Variants in MYT1L observed in about 807,000 individuals in gnomAD.
The protein encoded by MYT1L is myelin transcription factor 1 like.
A neutral mutation model predicts 126.7 loss-of-function variants in MYT1L; 12 were observed. That is an observed-to-expected ratio of 0.09 (90% CI 0.06 to 0.15). The LOEUF is 0.15. Among genes scored for constraint, MYT1L ranks in the 10% least tolerant of loss-of-function variants. The pLI, the probability that MYT1L is intolerant of heterozygous loss-of-function variation, is 1.00. For synonymous variants in MYT1L, 541 were observed against 604.2 expected, an observed-to-expected ratio of 0.90 and a Z score of 1.53; for missense variants, 979 against 1,585.2, an observed-to-expected ratio of 0.62 and a Z score of 6.49.
chr2:2,103,678 G>C (rs1317446774), intron 3 of MYT1L, among the ~76,000 whole-genome samples: 1 of 152,196 alleles, frequency 6.6e-6, no homozygotes, highest in Non-Finnish European at 1.5e-5. Flanking sequence ...ATTACATGAG[G>C]GGCCTCTGCC....
rs566639100 is a variant in MYT1L at position 2,281,452 on chromosome 2, C to T, written c.-421+2952G>A. Among the ~76,000 whole-genome samples, 13 of 152,188 alleles carry T rather than the reference C, an allele frequency of 8.5e-5. No homozygotes were observed. In the South Asian group the frequency reaches 2.5e-3, roughly 29 times the overall value. On this transcript the variant is annotated intron_variant, in intron 2 of 24. Coordinates refer to ENST00000647738, the MANE Select transcript of MYT1L (RefSeq NM_001303052.2). ...TAATATAATTGTTGTGTAATATGTA[C>T]AGAAGTGGGAAGAGTAAATGCTTGT...
In MYT1L at chr2:1,881,355, C is replaced by CGTGTGTGTGTGTGT. The variant is rs59171974; in HGVS notation, c.2711+5170_2711+5183dup. Among the ~76,000 whole-genome samples, 190 of 139,222 alleles carry CGTGTGTGTGTGTGT rather than the reference C, an allele frequency of 1.4e-3. 1 individual carries two copies. The highest frequency in any genetic ancestry group is 3.8e-3 in the African/African-American group (144 of 37,988). The allele number at this position is 139,222 out of a possible 152,430, so 91.3% of individuals were successfully genotyped here. On this transcript the variant is annotated intron_variant, in intron 18 of 24. Transcript: ENST00000647738. The stretch of plus-strand genomic sequence containing the variant: ...GTGGTTTATTGTTGGTTTGCAGGTT[C>CGTGTGTGTGTGTGT]GTGTGTGTGTGTGTGTGTGTGTGTG...
Position 2,150,909 on chromosome 2 carries a change from G to GAC in MYT1L, c.-304+21962_-304+21963insGT, listed in dbSNP as rs1269108864. Among the ~76,000 whole-genome samples the GAC allele has an allele frequency of 4.1e-4, 54 of 132,650 alleles. 1 individual carries two copies. The East Asian group carries it at 0.012, about 31-fold the overall frequency. 87.0% of individuals were successfully genotyped at this position (132,650 alleles called of 152,430 possible). A position where few individuals can be genotyped will look rare whatever the true frequency, so the allele number is the denominator to read the frequency against. ...AGGAAGGAAGGGAAGGAGGGAGGGA[G>GAC]GGAGACGGAGGGAGGGAGGGAGATG... On this transcript the variant is annotated intron_variant, in intron 3 of 24. Coordinates refer to ENST00000647738, the MANE Select transcript of MYT1L (RefSeq NM_001303052.2).
rs1039073744 is a variant in MYT1L at position 1,791,333 on chromosome 2, G to A, written c.*534C>T. On this transcript the variant is annotated 3_prime_UTR_variant, in exon 25 of 25. Transcript: ENST00000647738. The surrounding 1 kb of genome is among the most constrained non-coding windows in gnomAD (Gnocchi z 6.0). The stretch of plus-strand genomic sequence containing the variant: ...TTCAAAAATAAAGCATTTTTGCAAC[G>A]AATTCTTGCTATGAAACAATATGCA... 75 of 448,974 alleles carry A rather than the reference G, an allele frequency of 1.7e-4. No homozygotes were observed. The Admixed American group carries it at 1.9e-3, about 11-fold the overall frequency. The allele number at this position is 448,974 out of a possible 1,614,324, so 27.8% of individuals were successfully genotyped here.
At chr2:2,000,080 C>T (rs1177631493) in intron 4 of MYT1L, among the ~76,000 whole-genome samples, 1 of 152,214 alleles carries the variant, frequency 6.6e-6, no homozygotes, top group Non-Finnish European at 1.5e-5. Context: ...TTATTCTAAT[C>T]AGAAGGTGGC....
intron 3 of MYT1L, among the ~76,000 whole-genome samples, chr2:2,141,317 A>T (rs2083941047): frequency 6.6e-6 from 1 of 152,150 alleles, no homozygotes; most frequent in South Asian, 2.1e-4. Flanking sequence ...TATGTCAATA[A>T]ATTTAAATTT....
intron 2 of MYT1L, among the ~76,000 whole-genome samples, chr2:2,178,076 A>G (rs1014500902): frequency 6.6e-6 from 1 of 152,144 alleles, no homozygotes; most frequent in Non-Finnish European, 1.5e-5. Flanking sequence ...TAGATAAAAT[A>G]TTTATTTTAT....
At chr2:2,250,565 A>G (rs902234996) in intron 2 of MYT1L, among the ~76,000 whole-genome samples, 1 of 151,922 alleles carries the variant, frequency 6.6e-6, no homozygotes, top group East Asian at 1.9e-4. Context: ...GGGTACAAAA[A>G]AAAAAAAAAA....
At chr2:2,040,990 T>C (rs2067466479) in intron 4 of MYT1L, among the ~76,000 whole-genome samples, 1 of 152,184 alleles carries the variant, frequency 6.6e-6, no homozygotes, top group African/African-American at 2.4e-5. Context: ...GGACAACTCA[T>C]GGTGAAAAAT....
At chr2:1,959,035 G>A (rs1023456630) in intron 8 of MYT1L, among the ~76,000 whole-genome samples, 10 of 152,154 alleles carry the variant, frequency 6.6e-5, no homozygotes, top group Non-Finnish European at 1.2e-4. Flanking sequence ...AATCGGTGGG[G>A]AGCTTGAATC....
At chr2:2,222,232 C>T (rs188565284) in intron 2 of MYT1L, among the ~76,000 whole-genome samples, 82 of 152,184 alleles carry the variant, frequency 5.4e-4, no homozygotes, top group Admixed American at 2.6e-3. Context: ...TGGCTCAGGC[C>T]TGTCTGTAAT....
chr2:2,139,203 G>A (rs2083560520), intron 3 of MYT1L, among the ~76,000 whole-genome samples: 1 of 152,064 alleles, frequency 6.6e-6, no homozygotes, highest in African/African-American at 2.4e-5. Context: ...CCTGACTGCT[G>A]GAATGCCATC....
At position 1,979,820 on chromosome 2, in the gene MYT1L, T is replaced by C; in HGVS notation, c.1-43A>G. 2 of 1,606,366 alleles carry C rather than the reference T, an allele frequency of 1.2e-6. No homozygotes were observed. Among genetic ancestry groups the C allele is most frequent in the Non-Finnish European group, 1.7e-6 (2 of 1,173,710 alleles). The stretch of plus-strand genomic sequence containing the variant: ...GCCATCAATGTGCTTATCCTGCCTG[T>C]GCAGGCCAGCCCTGCAGGGGCGGCT... On this transcript the variant is annotated intron_variant, in intron 5 of 24. Transcript: ENST00000647738. This position sits in a 1 kb window ranked among gnomAD's most constrained non-coding sequence, Gnocchi z 4.0.
intron 2 of MYT1L, among the ~76,000 whole-genome samples, chr2:2,181,943 G>A (rs1438010794): frequency 2.6e-5 from 4 of 152,120 alleles, no homozygotes; most frequent in Non-Finnish European, 5.9e-5. Flanking sequence ...AAGGTAGCTT[G>A]CCTGAGGTCA....
At chr2:2,115,964 G>A (rs1036210522) in intron 3 of MYT1L, among the ~76,000 whole-genome samples, 23 of 151,026 alleles carry the variant, frequency 1.5e-4, no homozygotes, top group African/African-American at 4.2e-4. Flanking sequence ...GATGCACCAC[G>A]TCCAGTCGAC....
chr2:2,260,995 T>C (rs2094950952), intron 2 of MYT1L, among the ~76,000 whole-genome samples: 1 of 152,212 alleles, frequency 6.6e-6, no homozygotes, highest in Non-Finnish European at 1.5e-5. Context: ...GTTAACGGTG[T>C]TATTTATCAG....
Position 1,979,807 on chromosome 2 carries a change from CT to C in MYT1L, c.1-31del, listed in dbSNP as rs1261388464. ...GGATAGATTAGCAGCCATCAATGTG[CT>C]TATCCTGCCTGTGCAGGCCAGCCCT... On this transcript the variant is annotated intron_variant, in intron 5 of 24. Coordinates refer to ENST00000647738, the MANE Select transcript of MYT1L (RefSeq NM_001303052.2). This position sits in a 1 kb window ranked among gnomAD's most constrained non-coding sequence, Gnocchi z 4.0. 3.1e-6 allele frequency: 5 copies of C among 1,612,768 alleles called. No individual in the cohort carries two copies. Among genetic ancestry groups the C allele is most frequent in the Non-Finnish European group, 4.2e-6 (5 of 1,179,306 alleles).
At chr2:2,068,480 G>T (rs1203431403) in intron 3 of MYT1L, among the ~76,000 whole-genome samples, 1 of 152,178 alleles carries the variant, frequency 6.6e-6, no homozygotes, top group African/African-American at 2.4e-5. Context: ...CACGGGAAGA[G>T]AGTAAACCAT....
rs765378303 is a variant in MYT1L, at chr2:2,002,287, G to A, written c.-157-4940C>T. Among the ~76,000 whole-genome samples the A allele has an allele frequency of 5.5e-4, 83 of 152,174 alleles. 1 individual carries two copies. The highest frequency in any genetic ancestry group is 1.0e-3 in the Non-Finnish European group (69 of 68,012). On this transcript the variant is annotated intron_variant, in intron 4 of 24. Transcript: ENST00000647738. ...GTGCGGTTGGCTCTCTGCTGCTGCCGAACAGCAGCCTGCCTTGACCTCTTC... is the reference window on the plus strand; with the variant it reads ...GTGCGGTTGGCTCTCTGCTGCTGCCAAACAGCAGCCTGCCTTGACCTCTTC...
Sources: gnomAD v4.1 joint callset for allele counts (sites outside exome capture counted in the v4.1 genomes callset) on GRCh38, gnomAD v4.1.1 for gene constraint, Gnocchi (gnomAD v3.1) non-coding constraint, MANE v1.5 for transcripts, NCBI Gene and HGNC (gene_info 2026-07-23, HGNC 2026-07-21) for gene names.